FMO5: variants seen among roughly 807,000 people sequenced by gnomAD.
FMO5 encodes the protein flavin-containing monooxygenase 5.
In FMO5, 51 loss-of-function variants were observed where a neutral mutation model predicts 43.6. The ratio of observed to expected loss-of-function variants is 1.17; its 90% CI spans 0.93 to 1.48. The LOEUF is 1.48. Among genes scored for constraint, FMO5 ranks in the 40% most tolerant of loss-of-function variants. The pLI is 0.00. For missense variants in FMO5, 644 were observed against 643.0 expected (o/e 1.00, Z -0.02); for synonymous variants, 187 against 216.5 (o/e 0.86, Z 1.20).
intron 7 of FMO5, among the ~76,000 whole-genome samples, chr1:147,192,990 C>T (rs1188483261): frequency 1.3e-5 from 2 of 152,064 alleles, no homozygotes; most frequent in African/African-American, 4.8e-5. Context: ...TGTGTCTCTG[C>T]CAGGCTTTGG....
chr1:147,204,318 A>G (rs1659570845), intron 6 of FMO5: 1 of 959,836 alleles, frequency 1.0e-6, no homozygotes, highest in African/African-American at 1.6e-5. Flanking sequence ...CCAGAATTTT[A>G]CAAACTCTGA....
chr1:147,185,877 T>G (rs181398010), downstream of FMO5, among the ~76,000 whole-genome samples: 1 of 152,300 alleles, frequency 6.6e-6, no homozygotes, highest in Admixed American at 6.5e-5. Context: ...TTGCATTTCA[T>G]TTGCTCTGTT....
chr1:147,204,474 G>GT (rs1264741517), intron 6 of FMO5: 5 of 1,480,542 alleles, frequency 3.4e-6, no homozygotes, highest in African/African-American at 2.8e-5. Flanking sequence ...CATCTCGAAG[G>GT]TTTTTTGCAG....
rs1369038957 is a variant in FMO5, at chr1:147,217,840, CATA to C, written c.136-1901_136-1899del. 1.2e-4 allele frequency among the ~76,000 whole-genome samples: 19 copies of C among 152,256 alleles called. 1 individual carries two copies. In the East Asian group the frequency reaches 2.3e-3, roughly 19 times the overall value. Reference sequence around the variant, plus strand: ...TCTCAGCTTAGGATTCAAAGACCTCCATAATGTTTTGTAGTGTATTCCTTATCT... The same window carrying C: ...TCTCAGCTTAGGATTCAAAGACCTCCATGTTTTGTAGTGTATTCCTTATCT... On this transcript the variant is annotated intron_variant, in intron 2 of 8. Coordinates refer to ENST00000254090, the MANE Select transcript of FMO5 (RefSeq NM_001461.4).
chr1:147,208,226 T>A (rs1553922852), intron 6 of FMO5, among the ~76,000 whole-genome samples: 1 of 152,164 alleles, frequency 6.6e-6, no homozygotes, highest in Non-Finnish European at 1.5e-5. Flanking sequence ...TCATAACAGG[T>A]ACTCAATGAG....
In FMO5 at chr1:147,186,989, C is replaced by T; in HGVS notation, c.1513G>A (p.Glu505Lys). ...GTTGAAGTCATAGAACTACTCCTTT[C>T]AACTACTCTTGTCATCAGAGGCTTC... ...IRKPLMTRVV[E>K]RSSSMTSTMT... The change falls in exon 9 of 9, where the codon GAA (glutamate) becomes AAA (lysine). Residue 505 changes from glutamate (E) to lysine (K), a missense_variant. Coordinates refer to ENST00000254090, the MANE Select transcript of FMO5 (RefSeq NM_001461.4). The T allele has an allele frequency of 6.2e-7, 1 of 1,614,194 alleles. No homozygotes were observed. Among genetic ancestry groups the T allele is most frequent in the South Asian group, 1.1e-5 (1 of 91,082 alleles).
At chr1:147,206,493 G>A (rs782756309) in intron 6 of FMO5, among the ~76,000 whole-genome samples, 68 of 152,170 alleles carry the variant, frequency 4.5e-4, no homozygotes, top group Non-Finnish European at 8.4e-4. Flanking sequence ...ATTCACAATA[G>A]CAAGGACTTG....
chr1:147,202,514 T>A (rs1200835979), intron 6 of FMO5, among the ~76,000 whole-genome samples: 1 of 151,848 alleles, frequency 6.6e-6, no homozygotes, highest in Non-Finnish European at 1.5e-5. Flanking sequence ...GAGACAGGGT[T>A]TCACCATGTT....
chr1:147,226,586 C>T (rs1184306101), upstream of FMO5, among the ~76,000 whole-genome samples: 1 of 152,120 alleles, frequency 6.6e-6, no homozygotes, highest in Non-Finnish European at 1.5e-5. Context: ...AGAACAAGGG[C>T]CCATCCAGAC....
At chr1:147,215,534 T>C in intron 3 of FMO5, 1 of 491,170 alleles carries the variant, frequency 2.0e-6, no homozygotes, top group Non-Finnish European at 3.6e-6. Flanking sequence ...CTCTGCCAGC[T>C]GGCTTCCTGT....
chr1:147,207,932 A>G (rs1448521500), intron 6 of FMO5, among the ~76,000 whole-genome samples: 3 of 152,200 alleles, frequency 2.0e-5, no homozygotes, highest in African/African-American at 7.2e-5. Flanking sequence ...GCTTCTGTTC[A>G]TAAGTCCCTA....
chr1:147,195,572 A>C (rs1462150858), intron 7 of FMO5, among the ~76,000 whole-genome samples: 2 of 152,208 alleles, frequency 1.3e-5, no homozygotes, highest in Non-Finnish European at 2.9e-5. Flanking sequence ...AAATTTAAGT[A>C]AGATGCACAA....
At chr1:147,223,904 A>G in intron 2 of FMO5, 1 of 368,214 alleles carries the variant, frequency 2.7e-6, no homozygotes, top group Non-Finnish European at 5.2e-6. Context: ...GTTGTCCTGG[A>G]CTGAGAAGAA....
chr1:147,188,702 A>G (rs1318500955), intron 8 of FMO5, among the ~76,000 whole-genome samples: 3 of 151,488 alleles, frequency 2.0e-5, no homozygotes, highest in African/African-American at 7.3e-5. Flanking sequence ...CGTTGTACAC[A>G]TGTACCCTAG....
rs141438626 is a variant in FMO5, at chr1:147,191,079, A to G, written c.1184-830T>C. ...GTGCCACATTTTCTTAATCCAGTCTATCGTTGTTGGACATTTGGCTTGGTT... is the reference window on the plus strand; with the variant it reads ...GTGCCACATTTTCTTAATCCAGTCTGTCGTTGTTGGACATTTGGCTTGGTT... On this transcript the variant is annotated intron_variant, in intron 7 of 8. Coordinates refer to ENST00000254090, the MANE Select transcript of FMO5 (RefSeq NM_001461.4). Among the ~76,000 whole-genome samples the G allele has an allele frequency of 5.1e-3, 780 of 152,174 alleles. 8 individuals carry two copies. Among genetic ancestry groups the G allele is most frequent in the African/African-American group, 0.017 (691 of 41,474 alleles).
At chr1:147,196,090 T>A (rs1553919713) in intron 7 of FMO5, among the ~76,000 whole-genome samples, 1 of 152,168 alleles carries the variant, frequency 6.6e-6, no homozygotes, top group African/African-American at 2.4e-5. Context: ...GTCTTCTCAT[T>A]ATCAGGCTAA....
rs1655656877 is a variant in FMO5, at chr1:147,186,582, C to A, written c.*318G>T. 2.9e-6 allele frequency: 3 copies of A among 1,044,018 alleles called. No individual in the cohort carries two copies. The South Asian group carries it at 1.3e-4, about 46-fold the overall frequency. The allele number at this position is 1,044,018 out of a possible 1,614,324, so 64.7% of individuals were successfully genotyped here. Reference sequence around the variant, plus strand: ...TCTCCCTACCATAAAATTTGATAAACAACAAACATTTATTAAGCACCTACC... The same window carrying A: ...TCTCCCTACCATAAAATTTGATAAAAAACAAACATTTATTAAGCACCTACC... On this transcript the variant is annotated 3_prime_UTR_variant, in exon 9 of 9. Transcript: ENST00000254090.
chr1:147,219,258 G>A (rs1485321232), intron 2 of FMO5, among the ~76,000 whole-genome samples: 1 of 152,004 alleles, frequency 6.6e-6, no homozygotes, highest in Admixed American at 6.6e-5. Flanking sequence ...GTCTATCTAT[G>A]GGTATATAAT....
intron 5 of FMO5, chr1:147,209,910 T>C (rs1660817655): frequency 6.6e-6 from 1 of 152,238 alleles, no homozygotes; most frequent in Non-Finnish European, 1.5e-5. Flanking sequence ...TATTTATCAT[T>C]TTTATTGATA....
Sources: allele counts gnomAD v4.1 joint callset (sites outside exome capture counted in the v4.1 genomes callset), GRCh38; gene constraint gnomAD v4.1.1; transcripts MANE v1.5; gene names NCBI Gene and HGNC (gene_info 2026-07-23, HGNC 2026-07-21).